BACE2: variants seen among roughly 807,000 people sequenced by gnomAD.
BACE2 encodes 56 kDa aspartic-like protease.
A neutral mutation model predicts 46.2 loss-of-function variants in BACE2; 17 were observed. The observed-to-expected ratio is 0.37, with a 90% CI of 0.25 to 0.55. BACE2 has a LOEUF of 0.55. BACE2 is among the 20% of genes least tolerant of loss of function. The probability of loss-of-function intolerance (pLI) is 0.82; values close to 1 mark genes in which losing one functional copy is unlikely to be tolerated. For synonymous variants in BACE2, 277 were observed against 295.9 expected (o/e 0.94, Z 0.66); for missense variants, 595 against 698.1 (o/e 0.85, Z 1.66).
intron 2 of BACE2, among the ~76,000 whole-genome samples, chr21:41,231,292 G>T (rs946427867): frequency 2.0e-5 from 3 of 152,192 alleles, no homozygotes; most frequent in Non-Finnish European, 4.4e-5. Context: ...TGAACCTCAG[G>T]GGGTCTCATG....
At chr21:41,198,698 C>A (rs912028308) in intron 1 of BACE2, among the ~76,000 whole-genome samples, 1 of 152,140 alleles carries the variant, frequency 6.6e-6, no homozygotes, top group African/African-American at 2.4e-5. Flanking sequence ...AGTTTCAGCA[C>A]CACTGCCCTT....
intron 1 of BACE2, among the ~76,000 whole-genome samples, chr21:41,203,389 C>T (rs908462145): frequency 1.3e-5 from 2 of 152,016 alleles, no homozygotes; most frequent in African/African-American, 2.4e-5. Context: ...GCCAGTACGA[C>T]GGCCTTGAGG....
intron 1 of BACE2, among the ~76,000 whole-genome samples, chr21:41,195,211 C>T (rs886522121): frequency 6.6e-6 from 1 of 152,226 alleles, no homozygotes; most frequent in East Asian, 1.9e-4. Flanking sequence ...ACACAGATGC[C>T]GTCTCACCAA....
At chr21:41,250,390 C>A (rs1205664117) in intron 6 of BACE2, among the ~76,000 whole-genome samples, 1 of 152,192 alleles carries the variant, frequency 6.6e-6, no homozygotes, top group African/African-American at 2.4e-5. Context: ...GGGCCTCTGC[C>A]CTCTGCTGTG....
intron 8 of BACE2, among the ~76,000 whole-genome samples, chr21:41,264,353 C>A (rs968354680): frequency 6.6e-6 from 1 of 151,968 alleles, no homozygotes; most frequent in Non-Finnish European, 1.5e-5. Context: ...GAGGCCAAGG[C>A]AGGAGGATCG....
At chr21:41,256,960 T>A (rs1987802864) in intron 7 of BACE2, among the ~76,000 whole-genome samples, 198 bp from the exon 8 acceptor site, 1 of 152,220 alleles carries the variant, frequency 6.6e-6, no homozygotes, top group African/African-American at 2.4e-5. Flanking sequence ...ACCTGTGCTG[T>A]CACTGATCAA....
At chr21:41,199,466 G>A (rs966445362) in intron 1 of BACE2, among the ~76,000 whole-genome samples, 24 of 152,134 alleles carry the variant, frequency 1.6e-4, no homozygotes, top group African/African-American at 3.9e-4. Flanking sequence ...GCACCTGGAC[G>A]GAAGTGTCTT....
intron 6 of BACE2, among the ~76,000 whole-genome samples, chr21:41,247,151 G>T (rs1987493896): frequency 6.6e-6 from 1 of 152,214 alleles, no homozygotes; most frequent in African/African-American, 2.4e-5. Context: ...AGCACGTATG[G>T]TGGGTGCCTT....
chr21:41,194,014 C>T (rs550080988), intron 1 of BACE2, among the ~76,000 whole-genome samples: 1 of 152,176 alleles, frequency 6.6e-6, no homozygotes, highest in African/African-American at 2.4e-5. Context: ...GGTCCTTCCT[C>T]AAGGGGACCC....
At chr21:41,268,128 G>C (rs1461404350) in intron 8 of BACE2, among the ~76,000 whole-genome samples, 4 of 152,202 alleles carry the variant, frequency 2.6e-5, no homozygotes, top group Non-Finnish European at 4.4e-5. Context: ...CTTAGCCCAG[G>C]ACTGTACTAA....
At chr21:41,206,780 A>G (rs1986139924) in intron 1 of BACE2, among the ~76,000 whole-genome samples, 1 of 152,254 alleles carries the variant, frequency 6.6e-6, no homozygotes. Context: ...CTAAGATGGT[A>G]AATTTTAAGT....
chr21:41,256,987 G>T (rs1301531528), intron 7 of BACE2, among the ~76,000 whole-genome samples, 171 bp from the exon 8 acceptor site: 2 of 152,182 alleles, frequency 1.3e-5, no homozygotes, highest in African/African-American at 4.8e-5. Flanking sequence ...TGATCACCAT[G>T]CTTTTGATCT....
intron 8 of BACE2, among the ~76,000 whole-genome samples, chr21:41,258,507 A>G (rs1462565186): frequency 6.6e-6 from 1 of 152,228 alleles, no homozygotes; most frequent in African/African-American, 2.4e-5. Flanking sequence ...TTATTCCAGG[A>G]GGGAGAGATT....
rs904033276 is a variant in BACE2 at position 41,278,120 on chromosome 21, A to G, written c.*2496A>G. Reference sequence around the variant, plus strand: ...ACAACCCTTTGAGGGTGTCATTTTTACCTTGTAATACACTGTGGAAAATTC... The same window carrying G: ...ACAACCCTTTGAGGGTGTCATTTTTGCCTTGTAATACACTGTGGAAAATTC... On this transcript the variant is annotated 3_prime_UTR_variant, in exon 9 of 9. Transcript: ENST00000330333. The G allele has an allele frequency of 5.3e-5, 8 of 152,176 alleles. No homozygotes were observed. The highest frequency in any genetic ancestry group is 5.2e-4 in the Admixed American group (8 of 15,278). The allele number at this position is 152,176 out of a possible 1,614,324, so 9.4% of individuals were successfully genotyped here. A position where few individuals can be genotyped will look rare whatever the true frequency, so the allele number is the denominator to read the frequency against.
chr21:41,264,284 T>C (rs1378940898), intron 8 of BACE2, among the ~76,000 whole-genome samples: 1 of 151,798 alleles, frequency 6.6e-6, no homozygotes, highest in Non-Finnish European at 1.5e-5. Flanking sequence ...TATCTCATAC[T>C]TTTCCAAATA....
chr21:41,235,854 AAATGAATGAATG>A (rs150387265), intron 2 of BACE2, among the ~76,000 whole-genome samples: 12 of 151,546 alleles, frequency 7.9e-5, no homozygotes, highest in African/African-American at 2.4e-4. Flanking sequence ...AAGAAATAAT[AAATGAATGAATG>A]AATGAATGAA....
intron 2 of BACE2, among the ~76,000 whole-genome samples, chr21:41,230,736 G>A (rs777208331): frequency 2.0e-5 from 3 of 152,202 alleles, no homozygotes; most frequent in Non-Finnish European, 2.9e-5. Flanking sequence ...GGAATGAGAT[G>A]TCAGGCTACC....
intron 1 of BACE2, chr21:41,180,867 A>G (rs780398362): frequency 3.0e-5 from 5 of 167,142 alleles, no homozygotes; most frequent in Non-Finnish European, 5.9e-5. Flanking sequence ...AAATAATCCA[A>G]TGCTAGTCTG....
At chr21:41,214,326 C>T (rs1986389177) in intron 1 of BACE2, among the ~76,000 whole-genome samples, 1 of 152,208 alleles carries the variant, frequency 6.6e-6, no homozygotes, top group Admixed American at 6.5e-5. Context: ...GCTTGTGACA[C>T]AGGAGGAAGA....
Sources: allele counts gnomAD v4.1 joint callset (sites outside exome capture counted in the v4.1 genomes callset), GRCh38; gene constraint gnomAD v4.1.1; transcripts MANE v1.5; gene names NCBI Gene and HGNC (gene_info 2026-07-23, HGNC 2026-07-21).